GRID1: variants seen among roughly 807,000 people sequenced by gnomAD.
The protein encoded by GRID1 is glutamate receptor ionotropic, delta-1.
Under a neutral mutation model 98.0 loss-of-function variants are expected in GRID1, and 28 were observed. That is an observed-to-expected ratio of 0.29 (90% CI 0.21 to 0.39). The LOEUF (loss-of-function observed/expected upper bound fraction) is 0.39, where lower values mean the gene tolerates loss of function less well. GRID1 is among the 10% of genes least tolerant of loss of function. The pLI is 1.00. For synonymous variants in GRID1, 553 were observed against 538.5 expected, an observed-to-expected ratio of 1.03 and a Z score of -0.37; for missense variants, 1,111 against 1,340.5, an observed-to-expected ratio of 0.83 and a Z score of 2.67.
At chr10:86,028,393 G>A (rs116472554) in intron 4 of GRID1, among the ~76,000 whole-genome samples, 7 of 152,260 alleles carry the variant, frequency 4.6e-5, no homozygotes, top group Non-Finnish European at 5.9e-5. Context: ...TAGAAGCCAG[G>A]GTCACTGGTA....
intron 15 of GRID1, among the ~76,000 whole-genome samples, chr10:85,604,398 G>A (rs2132502952): frequency 6.6e-6 from 1 of 152,266 alleles, no homozygotes; most frequent in East Asian, 1.9e-4. Context: ...ATGGGATGTG[G>A]CTCGCTGTCA....
At position 85,613,479 on chromosome 10, in the gene GRID1, G is replaced by A. The variant is rs375699798; in HGVS notation, c.2529C>T (p.Leu843=). ...GVFCILAIGL[L]LACLVAALEL... ...CCAGGGCAGCCACCAGGCAGGCCAG[G>A]AGCAGGCCAATGGCCAGGATGCAGA... is the stretch of plus-strand genomic sequence containing the variant. The change falls in exon 15 of 16, where the codon CTC becomes CTT. Residue 843 remains leucine (L), a synonymous_variant. Coordinates refer to ENST00000327946, the MANE Select transcript of GRID1 (RefSeq NM_017551.3). 2 of 1,614,098 alleles carry A rather than the reference G, an allele frequency of 1.2e-6. No homozygotes were observed. Among genetic ancestry groups the A allele is most frequent in the African/African-American group, 1.3e-5 (1 of 75,068 alleles).
chr10:85,858,382 C>A (rs1431532145), intron 6 of GRID1, among the ~76,000 whole-genome samples: 3 of 152,154 alleles, frequency 2.0e-5, no homozygotes, highest in Admixed American at 1.3e-4. Context: ...TAAGTACCAC[C>A]ACCCACTGGG....
At chr10:85,755,350 C>T (rs924439794) in intron 8 of GRID1, among the ~76,000 whole-genome samples, 2 of 152,184 alleles carry the variant, frequency 1.3e-5, no homozygotes, top group African/African-American at 2.4e-5. Context: ...TCAGCTGAGC[C>T]GGCTGAGATG....
chr10:86,127,691 C>A (rs1012913057), intron 4 of GRID1, among the ~76,000 whole-genome samples: 1 of 152,144 alleles, frequency 6.6e-6, no homozygotes, highest in Non-Finnish European at 1.5e-5. Flanking sequence ...CCCTCCTTAC[C>A]ACCCGAGGTG....
At chr10:85,832,551 A>G (rs1366182959) in intron 8 of GRID1, among the ~76,000 whole-genome samples, 13 of 152,196 alleles carry the variant, frequency 8.5e-5, no homozygotes, top group Admixed American at 8.5e-4. Context: ...GAAGAAGATG[A>G]TGTAGACTCA....
chr10:86,007,818 GTTTTTTTATTTATTTA>G (rs1564648441), intron 4 of GRID1, among the ~76,000 whole-genome samples: 1 of 136,322 alleles, frequency 7.3e-6, no homozygotes, highest in Non-Finnish European at 1.6e-5. Flanking sequence ...TGTTTTTTGT[GTTTTTTTATTTATTTA>G]TTTATTTATT....
intron 3 of GRID1, among the ~76,000 whole-genome samples, chr10:86,198,935 T>C (rs1335584593): frequency 2.6e-5 from 4 of 152,168 alleles, no homozygotes; most frequent in Non-Finnish European, 4.4e-5. Flanking sequence ...GTTTTGCCCT[T>C]ACAGCTCAGA....
At chr10:86,073,801 G>A (rs1843838728) in intron 4 of GRID1, among the ~76,000 whole-genome samples, 2 of 152,200 alleles carry the variant, frequency 1.3e-5, no homozygotes, top group Non-Finnish European at 2.9e-5. Flanking sequence ...GGGTCAAAAA[G>A]AAGAGACCCA....
chr10:85,734,917 C>A (rs1038057664), intron 8 of GRID1, among the ~76,000 whole-genome samples: 3 of 152,084 alleles, frequency 2.0e-5, no homozygotes, highest in Admixed American at 1.3e-4. Flanking sequence ...TTGTAGTCAC[C>A]CAAGATTAGG....
intron 8 of GRID1, among the ~76,000 whole-genome samples, chr10:85,813,863 G>A (rs1283301541): frequency 1.3e-5 from 2 of 151,708 alleles, no homozygotes; most frequent in Non-Finnish European, 3.0e-5. Flanking sequence ...GGTAAGGGAG[G>A]AGAGTTATAG....
intron 4 of GRID1, among the ~76,000 whole-genome samples, chr10:86,064,651 C>T (rs1450356944): frequency 6.6e-6 from 1 of 152,214 alleles, no homozygotes; most frequent in Non-Finnish European, 1.5e-5. Context: ...ATGGGCCCTT[C>T]CCTGCTACCT....
At chr10:86,120,580 G>A (rs1844650726) in intron 4 of GRID1, among the ~76,000 whole-genome samples, 2 of 152,078 alleles carry the variant, frequency 1.3e-5, no homozygotes, top group African/African-American at 2.4e-5. Context: ...CACAATCCAG[G>A]GCTTTTGTTC....
At chr10:86,045,606 A>G (rs1564658482) in intron 4 of GRID1, among the ~76,000 whole-genome samples, 3 of 152,172 alleles carry the variant, frequency 2.0e-5, no homozygotes. Context: ...GAGGATGAAG[A>G]TAAGCAAAAG....
At chr10:86,136,651 C>T (rs927551253) in intron 4 of GRID1, among the ~76,000 whole-genome samples, 2 of 152,230 alleles carry the variant, frequency 1.3e-5, no homozygotes, top group Admixed American at 1.3e-4. Flanking sequence ...CTACTAATGA[C>T]AGGCGCATGA....
At chr10:85,803,608 A>T (rs1397759811) in intron 8 of GRID1, among the ~76,000 whole-genome samples, 1 of 152,088 alleles carries the variant, frequency 6.6e-6, no homozygotes, top group Non-Finnish European at 1.5e-5. Context: ...TTCAAAAAAA[A>T]AGCTCTAAAT....
intron 2 of GRID1, among the ~76,000 whole-genome samples, chr10:86,298,874 TCAC>T (rs924913350): frequency 2.0e-5 from 3 of 152,154 alleles, no homozygotes; most frequent in Non-Finnish European, 4.4e-5. Flanking sequence ...AATGGTTTGT[TCAC>T]CACTCACGGA....
At chr10:85,649,968 C>A (rs1378160962) in intron 12 of GRID1, 1 of 152,272 alleles carries the variant, frequency 6.6e-6, no homozygotes, top group Non-Finnish European at 1.5e-5. Flanking sequence ...TGCACTCGAT[C>A]TTTCAACAAA....
chr10:85,821,361 A>G (rs1466811783), intron 8 of GRID1, among the ~76,000 whole-genome samples: 1 of 151,540 alleles, frequency 6.6e-6, no homozygotes, highest in African/African-American at 2.4e-5. Context: ...TACTAAAAAT[A>G]CAAAAATTAG....
Sources: gnomAD v4.1 joint callset for allele counts (sites outside exome capture counted in the v4.1 genomes callset) on GRCh38, gnomAD v4.1.1 for gene constraint, MANE v1.5 for transcripts, NCBI Gene and HGNC (gene_info 2026-07-23, HGNC 2026-07-21) for gene names.